Variants in ABRAXAS1 observed in about 807,000 individuals in gnomAD.
ABRAXAS1 encodes abraxas 1, BRCA1 A complex subunit.
A neutral mutation model predicts 38.4 loss-of-function variants in ABRAXAS1; 26 were observed. The ratio of observed to expected loss-of-function variants is 0.68; its 90% confidence interval spans 0.50 to 0.94. The LOEUF is 0.94. Ranked by LOEUF, ABRAXAS1 falls within the 40% of genes least tolerant of loss-of-function variation. The pLI is 0.00. For missense variants in ABRAXAS1, 438 were observed against 481.9 expected, an observed-to-expected ratio of 0.91 and a Z score of 0.85; for synonymous variants, 144 against 165.5, an observed-to-expected ratio of 0.87 and a Z score of 1.00.
chr4:83,471,189 A>ATTTTTTTTTTT lies in ABRAXAS1; in HGVS notation c.283-794_283-793insAAAAAAAAAAA, dbSNP rs1560575138. On this transcript the variant is annotated intron_variant, in intron 4 of 8. Transcript: ENST00000321945. ...GCCAAACATATTTGTTGAAAGAAAC[A>ATTTTTTTTTTT]TCTTTTTTTTTTTTTTTTTTTTTTT... is the stretch of plus-strand genomic sequence containing the variant. 3.2e-5 allele frequency among the ~76,000 whole-genome samples: 4 copies of ATTTTTTTTTTT among 124,104 alleles called. 2 individuals are homozygous for ATTTTTTTTTTT. Among genetic ancestry groups the ATTTTTTTTTTT allele is most frequent in the South Asian group, 4.8e-4 (2 of 4,128 alleles). 81.4% of individuals were successfully genotyped at this position (124,104 alleles called of 152,430 possible).
intron 1 of ABRAXAS1, among the ~76,000 whole-genome samples, chr4:83,483,716 G>A (rs1723075041): frequency 6.6e-6 from 1 of 152,046 alleles, no homozygotes; most frequent in South Asian, 2.1e-4. Flanking sequence ...CTCAGGGAAG[G>A]GAAGCAGGGG....
At chr4:83,475,635 T>C (rs949332533) in intron 3 of ABRAXAS1, among the ~76,000 whole-genome samples, 1 of 152,108 alleles carries the variant, frequency 6.6e-6, no homozygotes, top group Admixed American at 6.6e-5. Flanking sequence ...GTGGAGACAG[T>C]GTTTCACCAT....
chr4:83,473,340 C>T (rs1722649457), intron 3 of ABRAXAS1, among the ~76,000 whole-genome samples: 1 of 152,104 alleles, frequency 6.6e-6, no homozygotes, highest in Admixed American at 6.6e-5. Flanking sequence ...AGAAATTCTT[C>T]TCTAAAGACA....
intron 4 of ABRAXAS1, among the ~76,000 whole-genome samples, chr4:83,472,002 CAAAG>C (rs1228770917): frequency 1.3e-5 from 2 of 152,128 alleles, no homozygotes; most frequent in East Asian, 1.9e-4. Context: ...GTTAATTAGT[CAAAG>C]AAAGGATTAG....
At chr4:83,467,686 A>C in intron 6 of ABRAXAS1, 148 bp from the exon 7 acceptor site, 1 of 550,208 alleles carries the variant, frequency 1.8e-6, no homozygotes, top group Non-Finnish European at 3.2e-6. Context: ...TGTATAGAGA[A>C]AAACCAACCA....
chr4:83,484,328 C>T (rs1416295993), intron 1 of ABRAXAS1, among the ~76,000 whole-genome samples: 3 of 152,200 alleles, frequency 2.0e-5, no homozygotes. Flanking sequence ...ACTGAAAGTG[C>T]TACAGGACAT....
At chr4:83,470,437 C>A (rs776481250) in intron 4 of ABRAXAS1, 41 bp from the exon 5 acceptor site, 12 of 1,373,654 alleles carry the variant, frequency 8.7e-6, no homozygotes, top group African/African-American at 1.4e-5. Context: ...TTAATAGTTA[C>A]AATGATATGT....
Position 83,461,944 on chromosome 4 carries a change from A to G in ABRAXAS1, c.*525T>C, listed in dbSNP as rs895076716. On this transcript the variant is annotated 3_prime_UTR_variant, in exon 9 of 9. Transcript: ENST00000321945. ...CATGATATCCAGCATTTTATCTGGC[A>G]ACTCTAGCCATAATGTACTTCTAAA... is the stretch of plus-strand genomic sequence containing the variant. The G allele has an allele frequency of 7.0e-5, 16 of 229,772 alleles. No individual in the cohort carries two copies. The highest frequency in any genetic ancestry group is 6.8e-4 in the Admixed American group (12 of 17,704). 14.2% of individuals were successfully genotyped at this position (229,772 alleles called of 1,614,324 possible).
At position 83,468,959 on chromosome 4, in the gene ABRAXAS1, CTGT is replaced by C. The variant is rs1050805561; in HGVS notation, c.596+70_596+72del. ...AATTTTCCCTTGAATTTTTATTCTG[CTGT>C]TGTTTGAGAAATAAGAAAATTAATT... On this transcript the variant is annotated intron_variant, in intron 6 of 8. Coordinates refer to ENST00000321945, the MANE Select transcript of ABRAXAS1 (RefSeq NM_139076.3). The C allele has an allele frequency of 7.8e-6, 12 of 1,538,222 alleles. No homozygotes were observed. The African/African-American group carries it at 1.4e-4, about 18-fold the overall frequency.
intron 3 of ABRAXAS1, among the ~76,000 whole-genome samples, chr4:83,474,514 C>T (rs1722696381): frequency 1.3e-5 from 2 of 152,054 alleles, no homozygotes; most frequent in South Asian, 4.1e-4. Context: ...GAGATCAAGA[C>T]CATCCTGGCC....
At chr4:83,462,944 C>A in intron 8 of ABRAXAS1, 42 bp from the exon 9 acceptor site, 1 of 1,322,950 alleles carries the variant, frequency 7.6e-7, no homozygotes, top group Non-Finnish European at 1.0e-6. Context: ...AACATTTCTT[C>A]TACAAAGCTT....
intron 1 of ABRAXAS1, among the ~76,000 whole-genome samples, chr4:83,483,277 CT>C (rs745707908): frequency 0.069 from 9,397 of 136,388 alleles, 336 homozygotes; most frequent in South Asian, 0.12. Flanking sequence ...GATTTTATAT[CT>C]TTTTTTTTTT....
In ABRAXAS1 at chr4:83,471,046, T is replaced by C. The variant is rs527341450; in HGVS notation, c.283-650A>G. Reference sequence around the variant, plus strand: ...TCTGTGAGTTTCAGCAACTAAATTATATATTTGCACATTTGAATTGAGGAA... The same window carrying C: ...TCTGTGAGTTTCAGCAACTAAATTACATATTTGCACATTTGAATTGAGGAA... On this transcript the variant is annotated intron_variant, in intron 4 of 8. Coordinates refer to ENST00000321945, the MANE Select transcript of ABRAXAS1 (RefSeq NM_139076.3). 6.6e-5 allele frequency among the ~76,000 whole-genome samples: 10 copies of C among 152,294 alleles called. No individual in the cohort carries two copies. The South Asian group carries it at 1.0e-3, about 16-fold the overall frequency.
In ABRAXAS1 at chr4:83,460,540, CTG is replaced by C. The variant is rs1165048462; in HGVS notation, c.*1927_*1928del. The C allele has an allele frequency of 3.6e-5, 7 of 195,918 alleles. No individual in the cohort carries two copies. In the East Asian group the frequency reaches 9.5e-4, roughly 27 times the overall value. The allele number at this position is 195,918 out of a possible 1,614,324, so 12.1% of individuals were successfully genotyped here. ...CAGAGTTGAGTGGCAGTGATGGAGA[CTG>C]TATGGCCCACAAAACCTAGATTATT... On this transcript the variant is annotated 3_prime_UTR_variant, in exon 9 of 9. Coordinates refer to ENST00000321945, the MANE Select transcript of ABRAXAS1 (RefSeq NM_139076.3).
At chr4:83,463,420 G>A (rs1225455463) in intron 8 of ABRAXAS1, 74 bp downstream of exon 8, 12 of 1,106,196 alleles carry the variant, frequency 1.1e-5, no homozygotes, top group South Asian at 1.5e-5. Flanking sequence ...GCGACAGAGC[G>A]AGACTCCGTC....
chr4:83,470,423 C>T (rs747228318), intron 4 of ABRAXAS1, 27 bp from the exon 5 acceptor site: 3 of 1,525,896 alleles, frequency 2.0e-6, no homozygotes, highest in African/African-American at 1.4e-5. Flanking sequence ...AAAGGATATA[C>T]ATCTTAATAG....
At chr4:83,471,208 TTTTTTTTTTTTTTTTGA>T (rs1470488486) in intron 4 of ABRAXAS1, among the ~76,000 whole-genome samples, 3 of 123,756 alleles carry the variant, frequency 2.4e-5, no homozygotes, top group Non-Finnish European at 5.1e-5. Context: ...TTTTTTTTTT[TTTTTTTTTTTTTTTTGA>T]GACAGTCTGG....
chr4:83,482,406 A>C (rs761938393), intron 1 of ABRAXAS1, among the ~76,000 whole-genome samples, 162 bp from the exon 2 acceptor site: 7 of 152,236 alleles, frequency 4.6e-5, no homozygotes, highest in Non-Finnish European at 8.8e-5. Context: ...GGAAAGATGA[A>C]GAGTTAAATA....
chr4:83,467,401 C>T lies in ABRAXAS1; in HGVS notation c.681+53G>A, dbSNP rs564389872. The T allele has an allele frequency of 6.9e-6, 7 of 1,008,298 alleles. No individual in the cohort carries two copies. In the East Asian group the frequency reaches 1.7e-4, roughly 24 times the overall value. 62.5% of individuals were successfully genotyped at this position (1,008,298 alleles called of 1,614,324 possible). The stretch of plus-strand genomic sequence containing the variant: ...TATCCTAAAAAATGTCAGTCATTAA[C>T]TTGATATGAACTCTATCTAGAAGTG... On this transcript the variant is annotated intron_variant, in intron 7 of 8. Coordinates refer to ENST00000321945, the MANE Select transcript of ABRAXAS1 (RefSeq NM_139076.3).
Sources: allele counts gnomAD v4.1 joint callset (sites outside exome capture counted in the v4.1 genomes callset), GRCh38; gene constraint gnomAD v4.1.1; transcripts MANE v1.5; gene names NCBI Gene and HGNC (gene_info 2026-07-23, HGNC 2026-07-21).